MACROD2: variants seen among roughly 807,000 people sequenced by gnomAD.
The protein encoded by MACROD2 is ADP-ribose glycohydrolase MACROD2.
Under a neutral mutation model 70.4 loss-of-function variants are expected in MACROD2, and 36 were observed. That is an observed-to-expected ratio of 0.51 (90% CI 0.39 to 0.68). The LOEUF is 0.68. MACROD2 is among the 30% of genes least tolerant of loss of function. The probability of loss-of-function intolerance (pLI) is 0.00; values close to 1 mark genes in which losing one functional copy is unlikely to be tolerated. For missense variants in MACROD2, 496 were observed against 538.4 expected (o/e 0.92, Z 0.78); for synonymous variants, 172 against 178.8 (o/e 0.96, Z 0.30).
intron 5 of MACROD2, among the ~76,000 whole-genome samples, chr20:15,226,937 A>C (rs1170322551): frequency 6.6e-6 from 1 of 152,162 alleles, no homozygotes; most frequent in Non-Finnish European, 1.5e-5. Context: ...ACTACTCCAC[A>C]CTGAGAAAAT....
chr20:14,975,276 A>G (rs528867133), intron 5 of MACROD2, among the ~76,000 whole-genome samples: 12 of 152,244 alleles, frequency 7.9e-5, no homozygotes, highest in Non-Finnish European at 1.5e-4. Flanking sequence ...GCAGGCTGAG[A>G]GGAGGAACAG....
chr20:15,859,458 C>T (rs1041588042), intron 8 of MACROD2, among the ~76,000 whole-genome samples: 1 of 152,146 alleles, frequency 6.6e-6, no homozygotes, highest in African/African-American at 2.4e-5. Context: ...GCATCGCATG[C>T]CATCTTGGAA....
intron 3 of MACROD2, among the ~76,000 whole-genome samples, chr20:14,430,366 T>C (rs2122926096): frequency 1.3e-5 from 2 of 152,210 alleles, no homozygotes; most frequent in South Asian, 4.1e-4. Context: ...GGAGAACATC[T>C]AGGAGACGGT....
At chr20:14,740,088 C>A (rs6074786) in intron 5 of MACROD2, among the ~76,000 whole-genome samples, 61,345 of 151,918 alleles carry the variant, frequency 0.4, 13,772 homozygotes, top group Non-Finnish European at 0.51. Flanking sequence ...TTCCTATTAT[C>A]TTTATTCTTT....
intron 4 of MACROD2, among the ~76,000 whole-genome samples, chr20:14,526,542 TAGAC>T (rs1262396805): frequency 6.6e-6 from 1 of 152,250 alleles, no homozygotes; most frequent in Admixed American, 6.5e-5. Flanking sequence ...TTTTTCTTCA[TAGAC>T]AGAAGTCTTT....
Position 14,742,267 on chromosome 20 carries a change from A to C in MACROD2, c.418+57308A>C, listed in dbSNP as rs1298676535. ...GAGAAACCACTTCAATAGTTTGAGA[A>C]AGAAGGAGACAATTTCTGAAAATGA... On this transcript the variant is annotated intron_variant, in intron 5 of 17. Transcript: ENST00000684519. Among the ~76,000 whole-genome samples, 4 of 152,288 alleles carry C rather than the reference A, an allele frequency of 2.6e-5. No homozygotes were observed. In the East Asian group the frequency reaches 5.8e-4, roughly 22 times the overall value.
intron 4 of MACROD2, among the ~76,000 whole-genome samples, chr20:14,597,107 T>G (rs1982197823): frequency 6.6e-6 from 1 of 152,198 alleles, no homozygotes; most frequent in South Asian, 2.1e-4. Context: ...AAGATATATT[T>G]TATTGATGAA....
chr20:14,401,068 A>G (rs1224001671), intron 3 of MACROD2, among the ~76,000 whole-genome samples: 3 of 152,184 alleles, frequency 2.0e-5, no homozygotes, highest in Non-Finnish European at 2.9e-5. Flanking sequence ...GCCTAATTCT[A>G]TCAAAAACTA....
At chr20:15,253,562 C>G (rs1403991765) in intron 6 of MACROD2, among the ~76,000 whole-genome samples, 1 of 152,184 alleles carries the variant, frequency 6.6e-6, no homozygotes, top group African/African-American at 2.4e-5. Context: ...GCAGTGAACA[C>G]TAGCGTAATA....
chr20:15,009,614 C>G (rs1017587707), intron 5 of MACROD2, among the ~76,000 whole-genome samples: 1 of 152,082 alleles, frequency 6.6e-6, no homozygotes, highest in African/African-American at 2.4e-5. Flanking sequence ...AATTATCCCT[C>G]TTGGGTTTTT....
At chr20:14,951,439 T>C (rs1013408839) in intron 5 of MACROD2, among the ~76,000 whole-genome samples, 3 of 152,134 alleles carry the variant, frequency 2.0e-5, no homozygotes, top group African/African-American at 7.2e-5. Flanking sequence ...CAGAGCACTC[T>C]ATTGAGAAGT....
chr20:15,673,368 A>G (rs536462651), intron 8 of MACROD2, among the ~76,000 whole-genome samples: 129 of 152,322 alleles, frequency 8.5e-4, no homozygotes, highest in African/African-American at 3.0e-3. Context: ...TTAGTTACTC[A>G]TCAGGGAGGG....
At chr20:14,849,873 C>T (rs552491034) in intron 5 of MACROD2, 8 of 472,960 alleles carry the variant, frequency 1.7e-5, no homozygotes, top group African/African-American at 1.6e-4. Flanking sequence ...AGGCTCCTAA[C>T]CCTTACTCTG....
At chr20:15,343,685 C>T (rs557099869) in intron 6 of MACROD2, among the ~76,000 whole-genome samples, 24 of 152,292 alleles carry the variant, frequency 1.6e-4, no homozygotes, top group African/African-American at 5.8e-4. Flanking sequence ...ATTCTTTGAT[C>T]ATTTCTAAGA....
rs3071260 is a variant in MACROD2, at chr20:15,533,544, GCTCTCTCTCTCTCTCTCTCTCTCT to G, written c.645+33712_645+33735del. Among the ~76,000 whole-genome samples, 18 of 141,178 alleles carry G rather than the reference GCTCTCTCTCTCTCTCTCTCTCTCT, an allele frequency of 1.3e-4. No individual in the cohort carries two copies. In the East Asian group the frequency reaches 3.1e-3, roughly 24 times the overall value. 92.6% of individuals were successfully genotyped at this position (141,178 alleles called of 152,430 possible). On this transcript the variant is annotated intron_variant, in intron 8 of 17. Coordinates refer to ENST00000684519, the MANE Select transcript of MACROD2 (RefSeq NM_001351661.2). ...CCAACTTTCTGTCTCTGTCTCTGTC[GCTCTCTCTCTCTCTCTCTCTCTCT>G]CTCTCTCTCTCTCTTTTTAAGAAGA...
chr20:14,954,824 A>ATATGTAAT (rs1568895315), intron 5 of MACROD2, among the ~76,000 whole-genome samples: 2 of 87,660 alleles, frequency 2.3e-5, no homozygotes, highest in Non-Finnish European at 3.8e-5. Context: ...AATATAAATT[A>ATATGTAAT]TAAATATATT....
At chr20:15,962,105 G>C (rs535208522) in intron 12 of MACROD2, among the ~76,000 whole-genome samples, 2 of 152,118 alleles carry the variant, frequency 1.3e-5, no homozygotes, top group Non-Finnish European at 1.5e-5. Context: ...TTGTTGAGTC[G>C]CTGACTTAAA....
At chr20:15,346,405 G>A (rs984114046) in intron 6 of MACROD2, among the ~76,000 whole-genome samples, 6 of 152,142 alleles carry the variant, frequency 3.9e-5, no homozygotes, top group Non-Finnish European at 7.3e-5. Context: ...CTAGAACTGA[G>A]GGATCAGGAA....
At chr20:14,805,120 C>T (rs994554869) in intron 5 of MACROD2, among the ~76,000 whole-genome samples, 1 of 151,888 alleles carries the variant, frequency 6.6e-6, no homozygotes, top group East Asian at 1.9e-4. Flanking sequence ...TTGCTTCTAC[C>T]AGATTCTCAA....
Sources: gnomAD v4.1 joint callset for allele counts (sites outside exome capture counted in the v4.1 genomes callset) on GRCh38, gnomAD v4.1.1 for gene constraint, MANE v1.5 for transcripts, NCBI Gene and HGNC (gene_info 2026-07-23, HGNC 2026-07-21) for gene names.